Variants in CD80 observed in about 807,000 individuals in gnomAD.
CD80 encodes CD80 molecule.
In CD80, 13 loss-of-function variants were observed where a neutral mutation model predicts 27.1. The ratio of observed to expected loss-of-function variants is 0.48; its 90% CI spans 0.31 to 0.76. CD80 has a LOEUF of 0.76. Ranked by LOEUF, CD80 falls within the 30% of genes least tolerant of loss-of-function variation. The pLI is 0.04. For synonymous variants in CD80, 125 were observed against 125.5 expected (o/e 1.00, Z 0.03); for missense variants, 277 against 347.9 (o/e 0.80, Z 1.62).
chr3:119,528,330 C>T (rs984702930), intron 5 of CD80, among the ~76,000 whole-genome samples: 5 of 152,182 alleles, frequency 3.3e-5, no homozygotes, highest in Admixed American at 2.0e-4. Flanking sequence ...GTGCTAAAGC[C>T]TGGGAAAATC....
intron 4 of CD80, among the ~76,000 whole-genome samples, chr3:119,535,367 A>T (rs1487816427): frequency 6.6e-6 from 1 of 152,210 alleles, no homozygotes; most frequent in Non-Finnish European, 1.5e-5. Context: ...GTGCAACTGT[A>T]TTATCAAACT....
At chr3:119,545,429 C>T (rs1033244012) in intron 2 of CD80, among the ~76,000 whole-genome samples, 5 of 152,170 alleles carry the variant, frequency 3.3e-5, no homozygotes, top group African/African-American at 1.2e-4. Context: ...AGTATATTCA[C>T]ATTGTTGTGA....
At chr3:119,555,397 T>G (rs1043970213) in intron 2 of CD80, among the ~76,000 whole-genome samples, 1 of 152,246 alleles carries the variant, frequency 6.6e-6, no homozygotes. Context: ...AAAAATTCCC[T>G]GTGCTAGAAA....
At chr3:119,555,201 A>G (rs1444240781) in intron 2 of CD80, among the ~76,000 whole-genome samples, 3 of 152,214 alleles carry the variant, frequency 2.0e-5, no homozygotes, top group Non-Finnish European at 2.9e-5. Context: ...GCCACTGTCT[A>G]CATCCTGCGC....
At position 119,527,749 on chromosome 3, in the gene CD80, C is replaced by G; in HGVS notation, c.*22G>C. ...GGAGGCTACCTTCAGATCTTTTCAG[C>G]CCCTTGCTTCTGCGGACACTGTTAT... On this transcript the variant is annotated 3_prime_UTR_variant, in exon 6 of 7. Coordinates refer to ENST00000264246, the MANE Select transcript of CD80 (RefSeq NM_005191.4). The G allele has an allele frequency of 6.2e-7, 1 of 1,602,100 alleles. No individual in the cohort carries two copies. The highest frequency in any genetic ancestry group is 8.6e-7 in the Non-Finnish European group (1 of 1,169,162).
In CD80 at chr3:119,557,800, G is replaced by T; in HGVS notation, c.-72C>A. The stretch of plus-strand genomic sequence containing the variant: ...CAAGTAAGACCAGGGCACTTCCCAG[G>T]TGCAAAACAGGCAGGGCTGATGACA... On this transcript the variant is annotated 5_prime_UTR_variant, in exon 2 of 7. Transcript: ENST00000264246. 2 of 984,896 alleles carry T rather than the reference G, an allele frequency of 2.0e-6. No homozygotes were observed. The highest frequency in any genetic ancestry group is 3.1e-6 in the Non-Finnish European group (2 of 651,760). The allele number at this position is 984,896 out of a possible 1,614,324, so 61.0% of individuals were successfully genotyped here.
intron 3 of CD80, among the ~76,000 whole-genome samples, chr3:119,541,375 A>T (rs542690542): frequency 5.9e-5 from 9 of 152,370 alleles, no homozygotes; most frequent in African/African-American, 2.2e-4. Context: ...GGAGGTTTTC[A>T]TATGGCTATG....
chr3:119,553,632 C>G (rs2082246404), intron 2 of CD80, among the ~76,000 whole-genome samples: 1 of 152,148 alleles, frequency 6.6e-6, no homozygotes, highest in Admixed American at 6.5e-5. Flanking sequence ...GAGAGGCTGC[C>G]CTCGCAGGGG....
intron 6 of CD80, among the ~76,000 whole-genome samples, chr3:119,527,066 T>C (rs1560052464): frequency 6.6e-6 from 1 of 152,210 alleles, no homozygotes; most frequent in African/African-American, 2.4e-5. Flanking sequence ...TGTAGAGTCA[T>C]TAAGACCAAA....
At position 119,555,245 on chromosome 3, in the gene CD80, A is replaced by G. The variant is rs1370457062; in HGVS notation, c.100+2384T>C. On this transcript the variant is annotated intron_variant, in intron 2 of 6. Coordinates refer to ENST00000264246, the MANE Select transcript of CD80 (RefSeq NM_005191.4). Reference sequence around the variant, plus strand: ...TACACTTGTTACAATCAATGAACCTACATTAACACATCATTACCACCCCAA... The same window carrying G: ...TACACTTGTTACAATCAATGAACCTGCATTAACACATCATTACCACCCCAA... 9.8e-5 allele frequency among the ~76,000 whole-genome samples: 15 copies of G among 152,392 alleles called. 1 individual carries two copies.
intron 5 of CD80, among the ~76,000 whole-genome samples, chr3:119,528,603 A>G (rs749221767): frequency 2.0e-5 from 3 of 152,114 alleles, no homozygotes; most frequent in Non-Finnish European, 4.4e-5. Flanking sequence ...AACTGAGAAA[A>G]TGGACATTTT....
chr3:119,540,377 A>G (rs934252175), intron 3 of CD80, among the ~76,000 whole-genome samples: 4 of 152,224 alleles, frequency 2.6e-5, no homozygotes, highest in African/African-American at 9.6e-5. Flanking sequence ...GGATAAAGGG[A>G]AGCCATGACA....
chr3:119,552,157 T>C (rs1345514911), intron 2 of CD80, among the ~76,000 whole-genome samples: 1 of 152,136 alleles, frequency 6.6e-6, no homozygotes, highest in African/African-American at 2.4e-5. Flanking sequence ...AGGAAGCTAT[T>C]TGCCAACAAG....
At chr3:119,552,151 A>G (rs2082236073) in intron 2 of CD80, among the ~76,000 whole-genome samples, 1 of 152,194 alleles carries the variant, frequency 6.6e-6, no homozygotes, top group South Asian at 2.1e-4. Context: ...CAGGAGAGGA[A>G]GCTATTTGCC....
intron 4 of CD80, among the ~76,000 whole-genome samples, chr3:119,531,351 G>A (rs1437273495): frequency 1.3e-5 from 2 of 152,216 alleles, no homozygotes; most frequent in Non-Finnish European, 2.9e-5. Flanking sequence ...TTTCTTGTAG[G>A]CCTGTGAGGC....
chr3:119,527,677 A>G (rs2082074695), intron 6 of CD80, 56 bp downstream of exon 6: 1 of 1,024,438 alleles, frequency 9.8e-7, no homozygotes, highest in Non-Finnish European at 1.5e-6. Context: ...TGTTAAGGGA[A>G]GAATGCCTCA....
At chr3:119,547,474 T>A (rs963387655) in intron 2 of CD80, among the ~76,000 whole-genome samples, 10 of 152,226 alleles carry the variant, frequency 6.6e-5, no homozygotes, top group Non-Finnish European at 1.2e-4. Context: ...ACAAAACACA[T>A]CTCATTCTTC....
chr3:119,541,225 C>G lies in CD80; in HGVS notation c.418+3325G>C, dbSNP rs374357168. 4.6e-5 allele frequency among the ~76,000 whole-genome samples: 7 copies of G among 152,116 alleles called. No individual in the cohort carries two copies. The East Asian group carries it at 7.7e-4, about 17-fold the overall frequency. ...TGTATCTCATTTTAATTAGTTAACC[C>G]AATTTTTACCACTCTTAATAGGAAA... On this transcript the variant is annotated intron_variant, in intron 3 of 6. Transcript: ENST00000264246.
intron 2 of CD80, among the ~76,000 whole-genome samples, chr3:119,548,900 G>A (rs916072868): frequency 6.6e-6 from 1 of 152,190 alleles, no homozygotes; most frequent in Non-Finnish European, 1.5e-5. Context: ...AGCCGGGCAT[G>A]TTGGGACACA....
Sources: allele counts gnomAD v4.1 joint callset (sites outside exome capture counted in the v4.1 genomes callset), GRCh38; gene constraint gnomAD v4.1.1; transcripts MANE v1.5; gene names NCBI Gene and HGNC (gene_info 2026-07-23, HGNC 2026-07-21).